Variants in NXPE2 observed in about 807,000 individuals in gnomAD.
NXPE2 encodes NXPE family member 2.
Under a neutral mutation model 34.4 loss-of-function variants are expected in NXPE2, and 34 were observed. The ratio of observed to expected loss-of-function variants is 0.99; its 90% CI spans 0.75 to 1.31. The LOEUF (loss-of-function observed/expected upper bound fraction) is 1.31. Among genes scored for constraint, NXPE2 ranks in the 40% most tolerant of loss-of-function variants. The pLI is 0.00. For synonymous variants in NXPE2, 235 were observed against 231.3 expected (o/e 1.02, Z -0.15); for missense variants, 649 against 672.5 (o/e 0.97, Z 0.39).
At chr11:114,559,762 T>G in the NXPE2 span, 2 of 152,332 alleles carry the variant, frequency 1.3e-5, no homozygotes, top group Admixed American at 1.3e-4. Context: ...AGATTAGAAA[T>G]AGAGAAAGGC....
chr11:114,746,194 G>A, the NXPE2 span, among the ~76,000 whole-genome samples: 21 of 151,936 alleles, frequency 1.4e-4, no homozygotes, highest in East Asian at 1.9e-3. Flanking sequence ...ATAATTTTTC[G>A]CAGTCATGTT....
the NXPE2 span, among the ~76,000 whole-genome samples, chr11:114,489,346 A>G: frequency 6.6e-6 from 1 of 152,236 alleles, no homozygotes; most frequent in Non-Finnish European, 1.5e-5. Context: ...AATCCTCCCT[A>G]ACTCATTTTA....
the NXPE2 span, among the ~76,000 whole-genome samples, chr11:114,638,399 C>G: frequency 5.9e-5 from 9 of 151,892 alleles, no homozygotes; most frequent in Non-Finnish European, 1.3e-4. Context: ...ACTTCTTTGC[C>G]TTCGGTTTGA....
the NXPE2 span, among the ~76,000 whole-genome samples, chr11:114,542,517 G>T: frequency 1.3e-5 from 2 of 152,116 alleles, no homozygotes; most frequent in Non-Finnish European, 2.9e-5. Context: ...GTATGCAATG[G>T]TTGTGTGCTC....
the NXPE2 span, among the ~76,000 whole-genome samples, chr11:114,626,145 C>T: frequency 7.9e-5 from 12 of 152,252 alleles, no homozygotes; most frequent in South Asian, 2.1e-4. Context: ...ACAAAGCAGC[C>T]GGGAAGCTCG....
the NXPE2 span, among the ~76,000 whole-genome samples, chr11:114,472,952 T>G: frequency 6.6e-6 from 1 of 152,190 alleles, no homozygotes; most frequent in African/African-American, 2.4e-5. Context: ...CAAAGAGGTT[T>G]TTGAGCAAGT....
At chr11:114,604,311 C>A in the NXPE2 span, among the ~76,000 whole-genome samples, 10 of 151,988 alleles carry the variant, frequency 6.6e-5, no homozygotes, top group Non-Finnish European at 1.0e-4. Context: ...ACAATTCTTA[C>A]CCTGTGGAAA....
intron 2 of NXPE2, among the ~76,000 whole-genome samples, chr11:114,680,329 G>A (rs1409672332): frequency 2.0e-5 from 3 of 151,954 alleles, no homozygotes; most frequent in African/African-American, 7.3e-5. Context: ...TTAGCCATTC[G>A]AGGCCCGTTT....
the NXPE2 span, among the ~76,000 whole-genome samples, chr11:114,531,291 C>A: frequency 1.3e-5 from 2 of 152,054 alleles, no homozygotes; most frequent in African/African-American, 4.8e-5. Flanking sequence ...TAAGTTTACT[C>A]TTTCTTTTCA....
At chr11:114,783,150 C>A in the NXPE2 span, among the ~76,000 whole-genome samples, 47 of 152,184 alleles carry the variant, frequency 3.1e-4, no homozygotes, top group Non-Finnish European at 3.1e-4. Context: ...AGCCACCTGC[C>A]TTTGTACCTA....
the NXPE2 span, among the ~76,000 whole-genome samples, chr11:114,600,342 C>G: frequency 6.6e-6 from 1 of 152,038 alleles, no homozygotes; most frequent in Non-Finnish European, 1.5e-5. Flanking sequence ...TAAAAGTCTT[C>G]TCAAATTGAA....
At chr11:114,544,262 C>T in the NXPE2 span, among the ~76,000 whole-genome samples, 9 of 151,976 alleles carry the variant, frequency 5.9e-5, no homozygotes, top group Admixed American at 3.3e-4. Flanking sequence ...GGTAAAGGAA[C>T]CAAAATAACT....
At chr11:114,741,989 G>A in the NXPE2 span, among the ~76,000 whole-genome samples, 1 of 151,812 alleles carries the variant, frequency 6.6e-6, no homozygotes, top group Admixed American at 6.6e-5. Flanking sequence ...GCCCAACTAG[G>A]GATTTTGAGA....
the NXPE2 span, among the ~76,000 whole-genome samples, chr11:114,587,301 A>G: frequency 2.6e-5 from 4 of 152,200 alleles, no homozygotes; most frequent in African/African-American, 9.7e-5. Context: ...CTCCAATTAA[A>G]ATGGTACTTA....
the NXPE2 span, among the ~76,000 whole-genome samples, chr11:114,486,734 A>G: frequency 6.6e-6 from 1 of 152,168 alleles, no homozygotes; most frequent in African/African-American, 2.4e-5. Context: ...TTTTCCCAGC[A>G]TCATTTATTG....
At chr11:114,504,492 C>G in the NXPE2 span, among the ~76,000 whole-genome samples, 2 of 152,178 alleles carry the variant, frequency 1.3e-5, no homozygotes, top group Admixed American at 6.5e-5. Flanking sequence ...CAGGTACCCC[C>G]ACATTCTCTA....
the NXPE2 span, among the ~76,000 whole-genome samples, chr11:114,601,918 A>AT: frequency 1.8e-5 from 1 of 55,960 alleles, no homozygotes; most frequent in Non-Finnish European, 3.3e-5. Context: ...ATATAATTAT[A>AT]TATAATATAT....
chr11:114,548,897 AC>A, the NXPE2 span, among the ~76,000 whole-genome samples: 1 of 151,992 alleles, frequency 6.6e-6, no homozygotes, highest in African/African-American at 2.4e-5. Flanking sequence ...AAAAAAATAG[AC>A]AAGCCACTAG....
At chr11:114,502,507 C>G in the NXPE2 span, among the ~76,000 whole-genome samples, 10 of 152,124 alleles carry the variant, frequency 6.6e-5, no homozygotes, top group African/African-American at 2.4e-4. Context: ...AGATTAGGGA[C>G]TTTCTAAGAT....
Sources: gnomAD v4.1 joint callset for allele counts (sites outside exome capture counted in the v4.1 genomes callset) on GRCh38, gnomAD v4.1.1 for gene constraint, MANE v1.5 for transcripts, NCBI Gene and HGNC (gene_info 2026-07-23, HGNC 2026-07-21) for gene names.